TMEM150C: variants seen among roughly 807,000 people sequenced by gnomAD.
The protein encoded by TMEM150C is tentonin 3.
A neutral mutation model predicts 29.9 loss-of-function variants in TMEM150C; 10 were observed. That is an observed-to-expected ratio of 0.33 (90% CI 0.21 to 0.57). TMEM150C has a LOEUF of 0.57. Among genes scored for constraint, TMEM150C ranks in the 20% least tolerant of loss-of-function variants. The pLI is 0.88. For missense variants in TMEM150C, 251 were observed against 303.6 expected (o/e 0.83, Z 1.29); for synonymous variants, 101 against 112.5 (o/e 0.90, Z 0.64).
At chr4:82,551,281 A>C (rs1022956101) in intron 1 of TMEM150C, among the ~76,000 whole-genome samples, 3 of 152,182 alleles carry the variant, frequency 2.0e-5, no homozygotes, top group Admixed American at 2.0e-4. Context: ...CACATACAGC[A>C]TACACTATAC....
intron 1 of TMEM150C, among the ~76,000 whole-genome samples, chr4:82,540,382 G>A (rs1018840786): frequency 6.6e-6 from 1 of 151,536 alleles, no homozygotes; most frequent in African/African-American, 2.4e-5. Flanking sequence ...CCTAAAGTGC[G>A]GGGAACACAG....
chr4:82,502,878 G>A lies in TMEM150C; in HGVS notation c.167+17C>T, dbSNP rs775971672. The A allele has an allele frequency of 1.9e-6, 3 of 1,597,466 alleles. No homozygotes were observed. In the South Asian group the frequency reaches 3.4e-5, roughly 18 times the overall value. On this transcript the variant is annotated intron_variant, in intron 4 of 7. Transcript: ENST00000449862. ...TTTCCTACGGTCCCACAGGACAGAA[G>A]AGAATTGCTGGGTTACCTTATATAT...
At chr4:82,536,273 G>A (rs922308237) in intron 1 of TMEM150C, among the ~76,000 whole-genome samples, 7 of 148,950 alleles carry the variant, frequency 4.7e-5, no homozygotes, top group East Asian at 2.0e-4. Flanking sequence ...CAGGAGAATC[G>A]CTTGAACCCG....
chr4:82,505,011 C>A lies in TMEM150C; in HGVS notation c.-10-344G>T, dbSNP rs542198298. Among the ~76,000 whole-genome samples, 175 of 152,008 alleles carry A rather than the reference C, an allele frequency of 1.2e-3. 1 individual carries two copies. The highest frequency in any genetic ancestry group is 4.0e-3 in the African/African-American group (165 of 41,446). ...CGCCACTGTACTCCAGCCTGGGCGTCAGAGCGAGACTGTCTCAAAACAAAC... is the reference window on the plus strand; with the variant it reads ...CGCCACTGTACTCCAGCCTGGGCGTAAGAGCGAGACTGTCTCAAAACAAAC... On this transcript the variant is annotated intron_variant, in intron 1 of 7. Coordinates refer to ENST00000449862, the MANE Select transcript of TMEM150C (RefSeq NM_001080506.3).
At chr4:82,498,505 T>C (rs965645995) in intron 5 of TMEM150C, among the ~76,000 whole-genome samples, 14 of 152,160 alleles carry the variant, frequency 9.2e-5, no homozygotes, top group African/African-American at 3.4e-4. Context: ...TTGGCCAGGA[T>C]GGTCTCTATC....
intron 1 of TMEM150C, among the ~76,000 whole-genome samples, chr4:82,533,848 G>A (rs1724926457): frequency 6.6e-6 from 1 of 152,088 alleles, no homozygotes; most frequent in South Asian, 2.1e-4. Flanking sequence ...ATGTAAATCA[G>A]GAAAAAAGTT....
chr4:82,528,768 G>C, intron 1 of TMEM150C, among the ~76,000 whole-genome samples: 1 of 151,922 alleles, frequency 6.6e-6, no homozygotes, highest in East Asian at 1.9e-4. Context: ...GCCAATTTTT[G>C]TATTTTTAGT....
chr4:82,560,937 C>A (rs1560503813), intron 1 of TMEM150C, among the ~76,000 whole-genome samples: 3 of 152,156 alleles, frequency 2.0e-5, no homozygotes, highest in Non-Finnish European at 2.9e-5. Flanking sequence ...TGGGTTCACT[C>A]GGGAAGATGG....
At chr4:82,531,119 G>A (rs1421739013) in intron 1 of TMEM150C, among the ~76,000 whole-genome samples, 1 of 151,968 alleles carries the variant, frequency 6.6e-6, no homozygotes, top group East Asian at 1.9e-4. Context: ...GGCAGATACA[G>A]CAAAATAAAA....
At chr4:82,512,254 G>A (rs572167873) in intron 1 of TMEM150C, among the ~76,000 whole-genome samples, 218 of 152,180 alleles carry the variant, frequency 1.4e-3, no homozygotes, top group African/African-American at 4.9e-3. Context: ...ATGTAACCAC[G>A]AGACAAAAAA....
At chr4:82,490,878 T>C in intron 6 of TMEM150C, 2 of 701,038 alleles carry the variant, frequency 2.9e-6, no homozygotes, top group South Asian at 2.8e-5. Flanking sequence ...CTTAGCAATG[T>C]GAGCCACAGA....
intron 1 of TMEM150C, among the ~76,000 whole-genome samples, chr4:82,522,996 T>C (rs1337788440): frequency 6.6e-6 from 1 of 152,020 alleles, no homozygotes; most frequent in East Asian, 1.9e-4. Context: ...GTGGGCCCAG[T>C]AGAAGGTTCA....
chr4:82,508,470 C>CT (rs879639680), intron 1 of TMEM150C, among the ~76,000 whole-genome samples: 1,594 of 142,422 alleles, frequency 0.011, 23 homozygotes, highest in African/African-American at 0.029. Context: ...CTGAATTGTG[C>CT]TTTTTTTTTT....
chr4:82,502,706 C>T lies in TMEM150C; in HGVS notation c.235+21G>A, dbSNP rs368904727. ...AAGAAATGTACCAAAGCACATAAAGCGTTCTTTACCCTCTTCTTACCTAGG... is the reference window on the plus strand; with the variant it reads ...AAGAAATGTACCAAAGCACATAAAGTGTTCTTTACCCTCTTCTTACCTAGG... On this transcript the variant is annotated intron_variant, in intron 5 of 7. Transcript: ENST00000449862. 12 of 1,597,786 alleles carry T rather than the reference C, an allele frequency of 7.5e-6. No individual in the cohort carries two copies. The East Asian group carries it at 9.0e-5, about 12-fold the overall frequency.
At chr4:82,532,394 T>C (rs112368600) in intron 1 of TMEM150C, among the ~76,000 whole-genome samples, 3 of 152,278 alleles carry the variant, frequency 2.0e-5, no homozygotes, top group African/African-American at 7.2e-5. Flanking sequence ...ACCCTCTTCA[T>C]GAATTTAGAA....
intron 1 of TMEM150C, among the ~76,000 whole-genome samples, chr4:82,551,511 T>C (rs886505103): frequency 1.3e-5 from 2 of 151,982 alleles, no homozygotes; most frequent in African/African-American, 4.8e-5. Context: ...GCAGGGAGAG[T>C]CTTCCTCAGG....
At position 82,484,672 on chromosome 4, in the gene TMEM150C, G is replaced by C. The variant is rs1285094330; in HGVS notation, c.*839C>G. The C allele has an allele frequency of 4.6e-5, 7 of 152,130 alleles. No homozygotes were observed. Among genetic ancestry groups the C allele is most frequent in the Admixed American group, 4.6e-4 (7 of 15,270 alleles). 9.4% of individuals were successfully genotyped at this position (152,130 alleles called of 1,614,324 possible). ...AAAGCAAGCTCAGCTCTTGCATTTG[G>C]TCTACATCTTTGTCCATGAGGCTTA... On this transcript the variant is annotated 3_prime_UTR_variant, in exon 8 of 8. Coordinates refer to ENST00000449862, the MANE Select transcript of TMEM150C (RefSeq NM_001080506.3).
chr4:82,516,356 G>A (rs1401389830), intron 1 of TMEM150C, among the ~76,000 whole-genome samples: 3 of 152,172 alleles, frequency 2.0e-5, no homozygotes, highest in Non-Finnish European at 4.4e-5. Flanking sequence ...ATTCTAATGG[G>A]AACTCAGAAC....
At chr4:82,529,058 C>T (rs933662443) in intron 1 of TMEM150C, among the ~76,000 whole-genome samples, 1 of 151,686 alleles carries the variant, frequency 6.6e-6, no homozygotes, top group Non-Finnish European at 1.5e-5. Context: ...TCAGCACACA[C>T]GGAGAGTGTG....
Sources: gnomAD v4.1 joint callset for allele counts (sites outside exome capture counted in the v4.1 genomes callset) on GRCh38, gnomAD v4.1.1 for gene constraint, MANE v1.5 for transcripts, NCBI Gene and HGNC (gene_info 2026-07-23, HGNC 2026-07-21) for gene names.